HMG20A: variants seen among roughly 807,000 people sequenced by gnomAD.
HMG20A encodes the protein high mobility group 20A, also known as high mobility group protein 20A.
HMG20A carries 17 observed loss-of-function variants against 43.9 expected under a neutral mutation model. That is an observed-to-expected ratio of 0.39 (90% CI 0.27 to 0.58). The LOEUF is 0.58. HMG20A is among the 20% of genes least tolerant of loss of function. The pLI, the probability that HMG20A is intolerant of heterozygous loss-of-function variation, is 0.59. For synonymous variants in HMG20A, 132 were observed against 147.5 expected (o/e 0.89, Z 0.76); for missense variants, 341 against 438.2 (o/e 0.78, Z 1.98).
At chr15:77,449,695 A>G (rs2073714072) in intron 1 of HMG20A, among the ~76,000 whole-genome samples, 1 of 152,154 alleles carries the variant, frequency 6.6e-6, no homozygotes. Context: ...TGAGCAGAAA[A>G]TACAGAGACT....
At chr15:77,508,296 G>C in the HMG20A span, among the ~76,000 whole-genome samples, 34 of 152,080 alleles carry the variant, frequency 2.2e-4, no homozygotes, top group Non-Finnish European at 4.3e-4. Context: ...ATGGCTGCTC[G>C]GGTTCTGCTG....
chr15:77,458,226 A>G (rs2072673887), intron 1 of HMG20A, 178 bp from the exon 2 acceptor site: 2 of 486,168 alleles, frequency 4.1e-6, no homozygotes. Context: ...CAAGGTTAAA[A>G]GGCCCATTTA....
the HMG20A span, among the ~76,000 whole-genome samples, chr15:77,503,751 T>C: frequency 6.6e-6 from 1 of 152,230 alleles, no homozygotes; most frequent in African/African-American, 2.4e-5. Flanking sequence ...CTTGGGTCTT[T>C]AAATCACCAG....
At chr15:77,478,608 TCTC>T (rs2072878971) in intron 8 of HMG20A, 98 bp downstream of exon 8, 2 of 891,716 alleles carry the variant, frequency 2.2e-6, no homozygotes, top group Non-Finnish European at 3.5e-6. Context: ...GAGATTGAAA[TCTC>T]CTCCAGAGGA....
rs112062895 is a variant in HMG20A, at chr15:77,439,475, A to T, written c.-5+18471A>T. 7.6e-3 allele frequency among the ~76,000 whole-genome samples: 1,154 copies of T among 152,272 alleles called. 15 individuals carry two copies. The highest frequency in any genetic ancestry group is 0.026 in the African/African-American group (1,101 of 41,552). ...TGTTTTACTTGTTATTGAGCTTCAT[A>T]TAAATATATTCATAGAATATTTATT... On this transcript the variant is annotated intron_variant, in intron 1 of 9. Transcript: ENST00000336216.
At chr15:77,517,551 G>C in the HMG20A span, among the ~76,000 whole-genome samples, 1 of 150,574 alleles carries the variant, frequency 6.6e-6, no homozygotes, top group Non-Finnish European at 1.5e-5. Context: ...TTGTCAGGGA[G>C]AGGAAAACAG....
intron 1 of HMG20A, among the ~76,000 whole-genome samples, chr15:77,439,637 A>T (rs1595915401): frequency 6.6e-6 from 1 of 152,264 alleles, no homozygotes. Flanking sequence ...GCTACTGTTG[A>T]TGGACACATG....
chr15:77,497,655 TAGAGAGAG>T, the HMG20A span, among the ~76,000 whole-genome samples: 29 of 128,082 alleles, frequency 2.3e-4, no homozygotes, highest in Non-Finnish European at 3.7e-4. Flanking sequence ...GAGATATTAA[TAGAGAGAG>T]AGAGAGAGAG....
At chr15:77,436,274 A>AC (rs200416058) in intron 1 of HMG20A, among the ~76,000 whole-genome samples, 6 of 150,998 alleles carry the variant, frequency 4.0e-5, no homozygotes, top group African/African-American at 7.3e-5. Flanking sequence ...ACACTTACAC[A>AC]CCCCCCTATC....
chr15:77,518,471 GT>G, the HMG20A span, among the ~76,000 whole-genome samples: 1 of 152,134 alleles, frequency 6.6e-6, no homozygotes, highest in Non-Finnish European at 1.5e-5. Flanking sequence ...ACACAGGCTG[GT>G]CCCTGGACCT....
intron 6 of HMG20A, among the ~76,000 whole-genome samples, chr15:77,473,966 G>A (rs556583192): frequency 1.4e-4 from 22 of 152,262 alleles, no homozygotes; most frequent in African/African-American, 4.1e-4. Flanking sequence ...TGAATAATAT[G>A]TTTCCTAAAT....
At chr15:77,426,903 C>T (rs2073433211) in intron 1 of HMG20A, among the ~76,000 whole-genome samples, 1 of 152,098 alleles carries the variant, frequency 6.6e-6, no homozygotes, top group Non-Finnish European at 1.5e-5. Context: ...ATGAGGATAG[C>T]TTCTGGGTTT....
chr15:77,487,015 A>G (rs1473254699), downstream of HMG20A, among the ~76,000 whole-genome samples: 1 of 152,200 alleles, frequency 6.6e-6, no homozygotes, highest in Non-Finnish European at 1.5e-5. Flanking sequence ...GTTCCACAAC[A>G]TGATCTTTCT....
chr15:77,465,451 G>A (rs548599055), intron 3 of HMG20A, among the ~76,000 whole-genome samples: 3 of 148,810 alleles, frequency 2.0e-5, no homozygotes, highest in South Asian at 4.2e-4. Context: ...GCTGGAGTGC[G>A]GTGGCACAAT....
chr15:77,460,569 A>G (rs996209908), intron 2 of HMG20A, among the ~76,000 whole-genome samples: 5 of 152,158 alleles, frequency 3.3e-5, no homozygotes, highest in African/African-American at 1.2e-4. Flanking sequence ...GAAAGTTGGG[A>G]CTTATCAGCA....
intron 5 of HMG20A, among the ~76,000 whole-genome samples, chr15:77,471,287 G>T (rs148691283): frequency 6.6e-6 from 1 of 151,810 alleles, no homozygotes; most frequent in African/African-American, 2.4e-5. Flanking sequence ...CCTGTTAGTT[G>T]CCTGCCCTTC....
intron 3 of HMG20A, among the ~76,000 whole-genome samples, chr15:77,465,900 G>C (rs1595926736): frequency 6.6e-6 from 1 of 152,140 alleles, no homozygotes; most frequent in African/African-American, 2.4e-5. Context: ...AACTGATACG[G>C]CTGTATTTGT....
Position 77,479,171 on chromosome 15 carries a change from C to G in HMG20A, c.908-8C>G, listed in dbSNP as rs371365473. 2.4e-4 allele frequency: 390 copies of G among 1,612,926 alleles called. 1 individual carries two copies. Among genetic ancestry groups the G allele is most frequent in the Non-Finnish European group, 3.1e-4 (366 of 1,178,998 alleles). ...GGATTTTCTTACTTTCTTCTTATCT[C>G]ACTTCAGGAAGTGGAGAGACACCTA... On this transcript the variant is annotated splice_region_variant and splice_polypyrimidine_tract_variant and intron_variant, in intron 8 of 9. Coordinates refer to ENST00000336216, the MANE Select transcript of HMG20A (RefSeq NM_001304504.2).
the HMG20A span, among the ~76,000 whole-genome samples, chr15:77,508,608 A>C: frequency 2.0e-5 from 3 of 152,184 alleles, no homozygotes; most frequent in Non-Finnish European, 4.4e-5. Context: ...TGCACCTCTG[A>C]GACCTTGTGC....
Sources: allele counts gnomAD v4.1 joint callset (sites outside exome capture counted in the v4.1 genomes callset), GRCh38; gene constraint gnomAD v4.1.1; transcripts MANE v1.5; gene names NCBI Gene and HGNC (gene_info 2026-07-23, HGNC 2026-07-21).